CADPS2: variants seen among roughly 807,000 people sequenced by gnomAD.
CADPS2 encodes calcium dependent secretion activator 2.
In CADPS2, 93 loss-of-function variants were observed where a neutral mutation model predicts 172.5. The ratio of observed to expected loss-of-function variants is 0.54; its 90% CI spans 0.46 to 0.64. The LOEUF is 0.64. Ranked by LOEUF, CADPS2 falls within the 30% of genes least tolerant of loss-of-function variation. CADPS2 has a pLI of 0.00. For synonymous variants in CADPS2, 546 were observed against 555.2 expected, an observed-to-expected ratio of 0.98 and a Z score of 0.23; for missense variants, 1,420 against 1,565.9, an observed-to-expected ratio of 0.91 and a Z score of 1.57.
intron 17 of CADPS2, among the ~76,000 whole-genome samples, chr7:122,421,631 T>C (rs1412686728): frequency 6.6e-6 from 1 of 152,238 alleles, no homozygotes; most frequent in Non-Finnish European, 1.5e-5. Flanking sequence ...AAAGATATTA[T>C]TTCTGCCTTC....
intron 8 of CADPS2, among the ~76,000 whole-genome samples, chr7:122,528,730 G>T (rs576234340): frequency 6.6e-6 from 1 of 152,142 alleles, no homozygotes; most frequent in Non-Finnish European, 1.5e-5. Flanking sequence ...CAAGATAGTA[G>T]GAAAAATAGC....
At chr7:122,373,198 GA>G (rs1375350786) in intron 25 of CADPS2, among the ~76,000 whole-genome samples, 7 of 151,804 alleles carry the variant, frequency 4.6e-5, no homozygotes, top group Admixed American at 2.0e-4. Context: ...TTAATATCCT[GA>G]AGTTTAAAGG....
chr7:122,566,568 G>C (rs1362824134), intron 7 of CADPS2, among the ~76,000 whole-genome samples: 1 of 152,062 alleles, frequency 6.6e-6, no homozygotes, highest in South Asian at 2.1e-4. Flanking sequence ...AAGTGACTTT[G>C]AATAGCTCTG....
At chr7:122,722,231 A>C (rs2090504222) in intron 2 of CADPS2, among the ~76,000 whole-genome samples, 1 of 152,092 alleles carries the variant, frequency 6.6e-6, no homozygotes, top group South Asian at 2.1e-4. Context: ...GTATTCAATT[A>C]GGAAAAGAGG....
At chr7:122,673,288 A>T (rs2082055099) in intron 2 of CADPS2, among the ~76,000 whole-genome samples, 1 of 152,156 alleles carries the variant, frequency 6.6e-6, no homozygotes, top group Non-Finnish European at 1.5e-5. Flanking sequence ...TTATTCCTTT[A>T]TCTGGCCCCA....
intron 13 of CADPS2, among the ~76,000 whole-genome samples, chr7:122,472,983 C>T (rs1164641093): frequency 1.3e-5 from 2 of 152,018 alleles, no homozygotes; most frequent in African/African-American, 2.4e-5. Context: ...TTGAGCATCC[C>T]AAATCCAAAA....
intron 9 of CADPS2, among the ~76,000 whole-genome samples, chr7:122,495,435 A>T (rs2058656023): frequency 6.6e-6 from 1 of 152,226 alleles, no homozygotes; most frequent in African/African-American, 2.4e-5. Flanking sequence ...TCCAAACTTC[A>T]TATGAATATA....
chr7:122,704,718 C>A (rs946243083), intron 2 of CADPS2, among the ~76,000 whole-genome samples: 3 of 151,972 alleles, frequency 2.0e-5, no homozygotes, highest in African/African-American at 7.2e-5. Context: ...CTTCTGCCCT[C>A]GTCTTACAAC....
intron 1 of CADPS2, among the ~76,000 whole-genome samples, chr7:122,839,120 T>TA (rs1412012605): frequency 1.3e-5 from 2 of 152,014 alleles, no homozygotes; most frequent in African/African-American, 4.8e-5. Context: ...TCAGAAATAA[T>TA]ACCACACATC....
At chr7:122,540,430 T>C (rs536284537) in intron 8 of CADPS2, among the ~76,000 whole-genome samples, 8 of 152,222 alleles carry the variant, frequency 5.3e-5, no homozygotes, top group African/African-American at 1.9e-4. Context: ...TTTATGATTG[T>C]TAACCTTTCT....
intron 6 of CADPS2, among the ~76,000 whole-genome samples, chr7:122,602,433 T>C (rs2072923641): frequency 6.6e-6 from 1 of 152,078 alleles, no homozygotes; most frequent in Non-Finnish European, 1.5e-5. Context: ...GCTCTGAAGC[T>C]ATACATAAGT....
At chr7:122,881,284 G>C (rs568776115) in intron 1 of CADPS2, among the ~76,000 whole-genome samples, 1 of 152,116 alleles carries the variant, frequency 6.6e-6, no homozygotes, top group Admixed American at 6.6e-5. Flanking sequence ...CAAAATCGCA[G>C]CTGATTTCAT....
chr7:122,652,310 T>C (rs1203466809), intron 3 of CADPS2, among the ~76,000 whole-genome samples: 6 of 152,192 alleles, frequency 3.9e-5, no homozygotes, highest in Non-Finnish European at 8.8e-5. Context: ...AATTTGAACA[T>C]ACTGCATTAC....
intron 28 of CADPS2, among the ~76,000 whole-genome samples, chr7:122,327,380 T>C (rs1225786827): frequency 6.6e-6 from 1 of 152,088 alleles, no homozygotes; most frequent in East Asian, 1.9e-4. Flanking sequence ...AGTGAAAATA[T>C]TGTCATAATG....
At chr7:122,545,826 A>T (rs2131748076) in intron 8 of CADPS2, among the ~76,000 whole-genome samples, 1 of 152,300 alleles carries the variant, frequency 6.6e-6, no homozygotes, top group East Asian at 1.9e-4. Flanking sequence ...AGGTGGAAAT[A>T]GGTGGTATTC....
intron 14 of CADPS2, among the ~76,000 whole-genome samples, chr7:122,465,550 C>T (rs538107565): frequency 1.3e-5 from 2 of 152,246 alleles, no homozygotes; most frequent in South Asian, 2.1e-4. Flanking sequence ...TGAACCCTAT[C>T]GTGAACTGTG....
At chr7:122,453,593 A>G (rs185153001) in intron 14 of CADPS2, among the ~76,000 whole-genome samples, 247 of 152,360 alleles carry the variant, frequency 1.6e-3, no homozygotes, top group Middle Eastern at 3.4e-3. Context: ...CAAATTGATA[A>G]AAAGAGCAAA....
chr7:122,649,495 G>C (rs2078912388), intron 3 of CADPS2, among the ~76,000 whole-genome samples: 1 of 152,064 alleles, frequency 6.6e-6, no homozygotes, highest in Non-Finnish European at 1.5e-5. Context: ...CATTATATGG[G>C]AAAATTATAA....
At chr7:122,806,576 A>G (rs940771718) in intron 1 of CADPS2, among the ~76,000 whole-genome samples, 2 of 152,226 alleles carry the variant, frequency 1.3e-5, no homozygotes, top group African/African-American at 2.4e-5. Context: ...TCTATTAACA[A>G]CAACCCGAAT....
Sources: gnomAD v4.1 joint callset for allele counts (sites outside exome capture counted in the v4.1 genomes callset) on GRCh38, gnomAD v4.1.1 for gene constraint, MANE v1.5 for transcripts, NCBI Gene and HGNC (gene_info 2026-07-23, HGNC 2026-07-21) for gene names.